POMGNT1: variants seen among roughly 807,000 people sequenced by gnomAD.
POMGNT1 encodes protein O-linked mannose N-acetylglucosaminyltransferase 1 (beta 1,2-), also known as protein O-linked-mannose beta-1,2-N-acetylglucosaminyltransferase 1.
Under a neutral mutation model 95.6 loss-of-function variants are expected in POMGNT1, and 67 were observed. The observed-to-expected ratio is 0.70, with a 90% CI of 0.58 to 0.86. The LOEUF is 0.86. POMGNT1 is among the 40% of genes least tolerant of loss of function. POMGNT1 has a pLI of 0.00. For synonymous variants in POMGNT1, 298 were observed against 317.9 expected, an observed-to-expected ratio of 0.94 and a Z score of 0.66; for missense variants, 719 against 855.2, an observed-to-expected ratio of 0.84 and a Z score of 1.99.
chr1:46,211,356 C>A (rs1374449571), intron 1 of POMGNT1, among the ~76,000 whole-genome samples: 1 of 151,418 alleles, frequency 6.6e-6, no homozygotes, highest in Non-Finnish European at 1.5e-5. Context: ...TTTCCTGAAG[C>A]CTATTTCTGA....
At chr1:46,214,867 C>CAA (rs5773905) in intron 1 of POMGNT1, among the ~76,000 whole-genome samples, 2,992 of 88,766 alleles carry the variant, frequency 0.034, 200 homozygotes, top group East Asian at 0.11. Context: ...GACTCCATCT[C>CAA]AAAAAAAAAA....
At chr1:46,202,920 G>GTGGTGTGTGTGTGTGT (rs540959987), upstream of POMGNT1, among the ~76,000 whole-genome samples, 19 of 64,514 alleles carry the variant, frequency 2.9e-4, 4 homozygotes, top group East Asian at 1.7e-3. Context: ...GGGGGGGGGT[G>GTGGTGTGTGTGTGTGT]GTGTGTGTGT....
chr1:46,190,407 T>C (rs1239263076), intron 19 of POMGNT1, 66 bp downstream of exon 19: 3 of 1,518,482 alleles, frequency 2.0e-6, no homozygotes, highest in Non-Finnish European at 2.7e-6. Flanking sequence ...CTGTAAATTA[T>C]GGGGCCAAGA....
chr1:46,219,056 G>C (rs140382161), intron 1 of POMGNT1, among the ~76,000 whole-genome samples: 1 of 152,036 alleles, frequency 6.6e-6, no homozygotes, highest in South Asian at 2.1e-4. Context: ...CAGCACTTTG[G>C]GAGGCTGAGG....
At chr1:46,206,680 G>A (rs1397642119) in intron 1 of POMGNT1, among the ~76,000 whole-genome samples, 1 of 152,154 alleles carries the variant, frequency 6.6e-6, no homozygotes, top group Non-Finnish European at 1.5e-5. Flanking sequence ...ACTGCCACAG[G>A]ATTATAGAAT....
At chr1:46,201,761 A>G (rs1371146061), upstream of POMGNT1, among the ~76,000 whole-genome samples, 1 of 151,978 alleles carries the variant, frequency 6.6e-6, no homozygotes, top group African/African-American at 2.4e-5. Flanking sequence ...AATGGGGGAA[A>G]GGAACTACAG....
At chr1:46,219,957 C>T (rs1218701930) in exon 1 of POMGNT1, 5 of 1,614,246 alleles carry the variant, frequency 3.1e-6, no homozygotes, top group Admixed American at 3.3e-5. Flanking sequence ...CACAGTGGCC[C>T]CCAGCGAGCT....
chr1:46,194,717 C>G, intron 7 of POMGNT1, 66 bp from the exon 8 acceptor site: 1 of 1,614,118 alleles, frequency 6.2e-7, no homozygotes, highest in East Asian at 2.2e-5. Flanking sequence ...TTTCCCATCT[C>G]CCTGCCTACT....
chr1:46,190,500 T>C lies in POMGNT1; in HGVS notation c.1622A>G (p.Tyr541Cys). 2 of 1,607,044 alleles carry C rather than the reference T, an allele frequency of 1.2e-6. No individual in the cohort carries two copies. The highest frequency in any genetic ancestry group is 1.7e-6 in the Non-Finnish European group (2 of 1,173,516). ...GAGCAGCCTGTGAACTTCCACTTCATAAGCTTCTTTCTTCAGACTGAAGAG... is the reference window on the plus strand; with the variant it reads ...GAGCAGCCTGTGAACTTCCACTTCACAAGCTTCTTTCTTCAGACTGAAGAG... ...RNVDSLKKEA[Y>C]EVEVHRLLSE... The change falls in exon 19 of 22, where the codon TAT (tyrosine) becomes TGT (cysteine). Residue 541 changes from tyrosine (Y) to cysteine (C), a missense_variant. This residue lies in a region of POMGNT1 where 130 missense variants were observed against 149.2 expected (regional missense o/e 0.87). Coordinates refer to ENST00000371984, the MANE Select transcript of POMGNT1 (RefSeq NM_017739.4).
chr1:46,200,420 C>T (rs1375275409), upstream of POMGNT1, among the ~76,000 whole-genome samples: 1 of 152,184 alleles, frequency 6.6e-6, no homozygotes, highest in Non-Finnish European at 1.5e-5. Context: ...TCCTTTCACT[C>T]CTAGATTTCC....
chr1:46,192,105 T>C lies in POMGNT1; in HGVS notation c.1532A>G (p.Tyr511Cys), dbSNP rs1038054957. Reference sequence around the variant, plus strand: ...TCCCTGCCTCCCACTCACGTGAAAGTAGCCATTCATGTTGAGGCCGACGAT... The same window carrying C: ...TCCCTGCCTCCCACTCACGTGAAAGCAGCCATTCATGTTGAGGCCGACGAT... ...FGIVGLNMNG[Y>C]FHEAYFKKHK... Residue 511 changes from tyrosine to cysteine, a missense_variant, in exon 17 of 22, where the codon TAC becomes TGC. Around this residue, in one of 5 missense-constraint regions of POMGNT1, gnomAD observed 118 missense variants for 153.6 expected, o/e 0.77. Transcript: ENST00000371984. The C allele has an allele frequency of 6.2e-7, 1 of 1,613,884 alleles. No individual in the cohort carries two copies. The highest frequency in any genetic ancestry group is 1.1e-5 in the South Asian group (1 of 91,082).
chr1:46,213,198 T>TA (rs1369475412), intron 1 of POMGNT1, among the ~76,000 whole-genome samples: 1 of 151,516 alleles, frequency 6.6e-6, no homozygotes, highest in African/African-American at 2.4e-5. Flanking sequence ...GACCAAAACA[T>TA]ACGATGTTTC....
chr1:46,192,441 G>A lies in POMGNT1; in HGVS notation c.1285-5C>T, dbSNP rs373150452. The A allele has an allele frequency of 2.5e-6, 4 of 1,613,954 alleles. No homozygotes were observed. The African/African-American group carries it at 5.3e-5, about 22-fold the overall frequency. ...CTCAGCCGTGTGTTCATACCCCTGGGGACAGGGTGCCATAGTGGGAGGTAT... is the reference window on the plus strand; with the variant it reads ...CTCAGCCGTGTGTTCATACCCCTGGAGACAGGGTGCCATAGTGGGAGGTAT... On this transcript the variant is annotated splice_polypyrimidine_tract_variant and splice_region_variant and intron_variant, in intron 15 of 21. Coordinates refer to ENST00000371984, the MANE Select transcript of POMGNT1 (RefSeq NM_017739.4).
exon 1 of POMGNT1, chr1:46,220,121 A>G: frequency 1.2e-6 from 2 of 1,614,218 alleles, no homozygotes; most frequent in Non-Finnish European, 1.7e-6. Context: ...AGAGGCTTCA[A>G]GGTGGACCAC....
Position 46,189,932 on chromosome 1 carries a change from G to A in POMGNT1, c.1707C>T (p.Asp569=), listed in dbSNP as rs1206240703. ...KNPCEDSFLP[D]TEGHTYVAFI... ...AGGCCACGTAGGTGTGGCCCTCTGT[G>A]TCTGGCAGGAAAGAGTCTTCACAAG... is the stretch of plus-strand genomic sequence containing the variant. The change falls in exon 20 of 22, where the codon GAC becomes GAT. Residue 569 remains aspartate (D), a synonymous_variant. Coordinates refer to ENST00000371984, the MANE Select transcript of POMGNT1 (RefSeq NM_017739.4). 6.2e-7 allele frequency: 1 copy of A among 1,613,970 alleles called. No individual in the cohort carries two copies. Among genetic ancestry groups the A allele is most frequent in the Non-Finnish European group, 8.5e-7 (1 of 1,180,024 alleles).
rs1169610410 is a variant in POMGNT1 at position 46,188,886 on chromosome 1, C to T, written c.*384G>A. On this transcript the variant is annotated 3_prime_UTR_variant, in exon 22 of 22. Transcript: ENST00000371984. ...AGAGCCAGCCCCACCCTCAGGGCAG[C>T]ATTCCAGCCCAAAAAGAAATCCAGG... 6.2e-7 allele frequency: 1 copy of T among 1,612,812 alleles called. No homozygotes were observed. Among genetic ancestry groups the T allele is most frequent in the Non-Finnish European group, 8.5e-7 (1 of 1,179,864 alleles).
Position 46,188,806 on chromosome 1 carries a change from C to T in POMGNT1, c.*464G>A, listed in dbSNP as rs1159801427. 1 of 1,612,788 alleles carries T rather than the reference C, an allele frequency of 6.2e-7. No homozygotes were observed. The highest frequency in any genetic ancestry group is 2.2e-5 in the East Asian group (1 of 44,888). On this transcript the variant is annotated 3_prime_UTR_variant, in exon 22 of 22. Coordinates refer to ENST00000371984, the MANE Select transcript of POMGNT1 (RefSeq NM_017739.4). ...GGGTCTCTGAGTGAGTCTGTGTCAG[C>T]ATGTGGGCCCCAGCTGGGCCTGTCC...
chr1:46,195,788 AGG>A (rs745972234), intron 6 of POMGNT1, 21 bp downstream of exon 6: 37 of 1,563,362 alleles, frequency 2.4e-5, no homozygotes, highest in Non-Finnish European at 3.2e-5. Context: ...AGTAGGGGTC[AGG>A]GTCAGGACAG....
chr1:46,194,217 GC>G, intron 9 of POMGNT1, 56 bp downstream of exon 9: 1 of 1,613,706 alleles, frequency 6.2e-7, no homozygotes, highest in Non-Finnish European at 8.5e-7. Context: ...CATTCCTGGG[GC>G]CCCCCTGCTG....
Sources: allele counts gnomAD v4.1 joint callset (sites outside exome capture counted in the v4.1 genomes callset), GRCh38; gene constraint gnomAD v4.1.1; regional missense constraint gnomAD v4.1.1; transcripts MANE v1.5; gene names NCBI Gene and HGNC (gene_info 2026-07-23, HGNC 2026-07-21).